The following GPBP1 variants were observed in gnomAD, a reference collection of about 807,000 sequenced individuals.
GPBP1 encodes GC-rich promoter binding protein 1.
In GPBP1, 13 loss-of-function variants were observed where a neutral mutation model predicts 56.5. The observed-to-expected ratio is 0.23, with a 90% CI of 0.15 to 0.37. GPBP1 has a LOEUF of 0.37. Ranked by LOEUF, GPBP1 falls within the 10% of genes least tolerant of loss-of-function variation. GPBP1 has a pLI of 1.00. For synonymous variants in GPBP1, 204 were observed against 188.9 expected (o/e 1.08, Z -0.66); for missense variants, 477 against 572.3 (o/e 0.83, Z 1.70).
At position 57,214,096 on chromosome 5, in the gene GPBP1, G is replaced by A. The variant is rs760814483; in HGVS notation, c.-35G>A. The A allele has an allele frequency of 1.3e-6, 2 of 1,595,560 alleles. No homozygotes were observed. Among genetic ancestry groups the A allele is most frequent in the East Asian group, 2.2e-5 (1 of 44,780 alleles). On this transcript the variant is annotated 5_prime_UTR_variant, in exon 3 of 12. Transcript: ENST00000506184. Reference sequence around the variant, plus strand: ...CAGGGACTTGCCATGAGGTGTTGAAGCCTTGTTTCACTGAGTTGGAGAGAC... The same window carrying A: ...CAGGGACTTGCCATGAGGTGTTGAAACCTTGTTTCACTGAGTTGGAGAGAC...
chr5:57,245,456 T>C (rs571701369), intron 6 of GPBP1: 7 of 152,332 alleles, frequency 4.6e-5, no homozygotes, highest in African/African-American at 9.6e-5. Flanking sequence ...ATTACAGATA[T>C]CTACCCAGCT....
chr5:57,201,782 G>A (rs1755034503), intron 2 of GPBP1, among the ~76,000 whole-genome samples: 1 of 152,132 alleles, frequency 6.6e-6, no homozygotes, highest in South Asian at 2.1e-4. Flanking sequence ...TCTGAAAAAT[G>A]TCTTTGGAGG....
intron 3 of GPBP1, among the ~76,000 whole-genome samples, chr5:57,229,230 CAAAAAAAAAAAAAAAAAAAAA>C (rs543005934): frequency 0.029 from 2,271 of 77,452 alleles, 67 homozygotes; most frequent in Non-Finnish European, 0.048. Context: ...GACTCCATCT[CAAAAAAAAAAAAAAAAAAAAA>C]AAAAAAAAAA....
chr5:57,223,181 CCAGGCTGGTCTTGAA>C (rs1373144015), intron 3 of GPBP1, among the ~76,000 whole-genome samples: 4 of 151,930 alleles, frequency 2.6e-5, no homozygotes, highest in Admixed American at 2.0e-4. Flanking sequence ...ACTGTGTTAC[CCAGGCTGGTCTTGAA>C]CTCCTGGCCT....
intron 2 of GPBP1, among the ~76,000 whole-genome samples, chr5:57,197,827 C>A (rs914200652): frequency 3.3e-5 from 5 of 151,346 alleles, no homozygotes; most frequent in African/African-American, 9.7e-5. Flanking sequence ...TTTTAATGAT[C>A]TCTTTCATTT....
chr5:57,186,438 C>T lies in GPBP1; in HGVS notation c.-58+10038C>T, dbSNP rs75597072. Among the ~76,000 whole-genome samples the T allele has an allele frequency of 8.1e-3, 1,232 of 151,744 alleles. 15 individuals are homozygous for T. The highest frequency in any genetic ancestry group is 0.029 in the African/African-American group (1,185 of 41,364). On this transcript the variant is annotated intron_variant, in intron 2 of 11. Transcript: ENST00000506184. ...CTTTCATGGTTTGTGCTTTTGTGTC[C>T]TAAGAAATCATTGCCTAACCCAAGG...
chr5:57,244,081 A>G (rs781428650), intron 6 of GPBP1, among the ~76,000 whole-genome samples: 1 of 152,196 alleles, frequency 6.6e-6, no homozygotes, highest in Non-Finnish European at 1.5e-5. Flanking sequence ...CCTTCTGCCT[A>G]AAGTACATTC....
In GPBP1 at chr5:57,224,223, T is replaced by C. The variant is rs370028349; in HGVS notation, c.64-6623T>C. On this transcript the variant is annotated intron_variant, in intron 3 of 11. Transcript: ENST00000506184. Reference sequence around the variant, plus strand: ...GTACAGTGGCGTGATCATAGCTTGGTGCAACCTGGAACTCCTGATCCTCTT... The same window carrying C: ...GTACAGTGGCGTGATCATAGCTTGGCGCAACCTGGAACTCCTGATCCTCTT... Among the ~76,000 whole-genome samples the C allele has an allele frequency of 1.2e-4, 18 of 151,312 alleles. 1 individual carries two copies. The highest frequency in any genetic ancestry group is 5.8e-4 in the East Asian group (3 of 5,140).
At chr5:57,246,512 A>G in intron 7 of GPBP1, 28 bp downstream of exon 7, 1 of 1,566,084 alleles carries the variant, frequency 6.4e-7, no homozygotes, top group South Asian at 1.2e-5. Context: ...ACAAATGTAA[A>G]TTTTGAGTTG....
Position 57,249,492 on chromosome 5 carries a change from TAAG to T in GPBP1, c.893_895del (p.Lys298del), listed in dbSNP as rs1427939329. On this transcript the variant is annotated inframe_deletion, in exon 9 of 12. Coordinates refer to ENST00000506184, the MANE Select transcript of GPBP1 (RefSeq NM_022913.4). The stretch of plus-strand genomic sequence containing the variant: ...CCAAACTGACACGAATGCGCACTGA[TAAG>T]AAGAGTGAATTTTTGAAAGCATTGA... 9 of 1,612,946 alleles carry T rather than the reference TAAG, an allele frequency of 5.6e-6. No individual in the cohort carries two copies. The highest frequency in any genetic ancestry group is 1.6e-4 in the Middle Eastern group (1 of 6,080).
At chr5:57,214,920 C>A (rs1755641502) in intron 3 of GPBP1, among the ~76,000 whole-genome samples, 1 of 152,188 alleles carries the variant, frequency 6.6e-6, no homozygotes, top group South Asian at 2.1e-4. Context: ...CCTCAGTCTC[C>A]CAAAGTGCTG....
intron 2 of GPBP1, among the ~76,000 whole-genome samples, chr5:57,181,898 C>A (rs576022232): frequency 6.6e-6 from 1 of 152,104 alleles, no homozygotes; most frequent in East Asian, 1.9e-4. Flanking sequence ...CTTGCTTTTC[C>A]CATTTTGTCA....
chr5:57,190,462 G>A (rs1376638963), intron 2 of GPBP1, among the ~76,000 whole-genome samples: 3 of 151,786 alleles, frequency 2.0e-5, no homozygotes, highest in African/African-American at 7.3e-5. Context: ...GCACGCACCT[G>A]TAATCTCAAT....
chr5:57,180,984 C>G (rs1407386778), intron 2 of GPBP1, among the ~76,000 whole-genome samples: 1 of 152,118 alleles, frequency 6.6e-6, no homozygotes, highest in African/African-American at 2.4e-5. Flanking sequence ...TCAGGTGATC[C>G]ACCCACCTCA....
At chr5:57,219,396 A>AACC (rs1561348229) in intron 3 of GPBP1, among the ~76,000 whole-genome samples, 2 of 55,844 alleles carry the variant, frequency 3.6e-5, no homozygotes, top group African/African-American at 1.6e-4. Context: ...AAAAAAAAAA[A>AACC]AAAAAAACCA....
At chr5:57,212,241 G>A (rs1050370947) in intron 2 of GPBP1, among the ~76,000 whole-genome samples, 7 of 152,122 alleles carry the variant, frequency 4.6e-5, no homozygotes, top group South Asian at 4.1e-4. Context: ...GTTCTCTGAA[G>A]TTTCTGGCCA....
At chr5:57,193,470 T>TG (rs1255726176) in intron 2 of GPBP1, among the ~76,000 whole-genome samples, 1 of 151,642 alleles carries the variant, frequency 6.6e-6, no homozygotes, top group Non-Finnish European at 1.5e-5. Context: ...AAAAACGACC[T>TG]GGGCATGGTG....
chr5:57,255,357 G>A (rs1030848714), intron 10 of GPBP1, among the ~76,000 whole-genome samples: 9 of 152,130 alleles, frequency 5.9e-5, no homozygotes, highest in African/African-American at 1.7e-4. Flanking sequence ...ATTACTAGGA[G>A]TGAATTTGAT....
At chr5:57,239,156 T>C (rs147437607) in intron 6 of GPBP1, among the ~76,000 whole-genome samples, 101 of 152,352 alleles carry the variant, frequency 6.6e-4, no homozygotes, top group Non-Finnish European at 1.1e-3. Flanking sequence ...TGAAAACAGT[T>C]GTTGAAATTA....
Sources: gnomAD v4.1 joint callset for allele counts (sites outside exome capture counted in the v4.1 genomes callset) on GRCh38, gnomAD v4.1.1 for gene constraint, MANE v1.5 for transcripts, NCBI Gene and HGNC (gene_info 2026-07-23, HGNC 2026-07-21) for gene names.